The following APBA1 variants were observed in gnomAD, a reference collection of about 807,000 sequenced individuals.
The protein encoded by APBA1 is amyloid beta precursor protein binding family A member 1.
A neutral mutation model predicts 86.6 loss-of-function variants in APBA1; 55 were observed. The observed-to-expected ratio is 0.64, with a 90% CI of 0.51 to 0.80. The LOEUF (loss-of-function observed/expected upper bound fraction) is 0.80, where lower values mean the gene tolerates loss of function less well. Among genes scored for constraint, APBA1 ranks in the 30% least tolerant of loss-of-function variants. APBA1 has a pLI of 0.00. For synonymous variants in APBA1, 511 were observed against 493.9 expected (o/e 1.03, Z -0.46); for missense variants, 1,090 against 1,183.0 (o/e 0.92, Z 1.15).
At chr9:69,504,457 T>C (rs751383809) in intron 2 of APBA1, among the ~76,000 whole-genome samples, 60 of 152,242 alleles carry the variant, frequency 3.9e-4, no homozygotes, top group Middle Eastern at 3.4e-3. Context: ...AAATGTCTGA[T>C]GATCCTTGGC....
intron 10 of APBA1, among the ~76,000 whole-genome samples, chr9:69,448,344 T>A (rs1029776833): frequency 2.6e-5 from 4 of 152,254 alleles, no homozygotes; most frequent in African/African-American, 4.8e-5. Flanking sequence ...AGAGGCCCAA[T>A]TAAACCTTTC....
intron 11 of APBA1, among the ~76,000 whole-genome samples, chr9:69,439,420 A>C (rs1349443741): frequency 6.6e-6 from 1 of 152,076 alleles, no homozygotes; most frequent in Non-Finnish European, 1.5e-5. Flanking sequence ...TACACCAATC[A>C]GACGTAGATT....
At chr9:69,471,513 A>G in intron 4 of APBA1, 143 bp downstream of exon 4, 1 of 716,140 alleles carries the variant, frequency 1.4e-6, no homozygotes. Flanking sequence ...TGAGTCTAAG[A>G]TCCTAAGACT....
chr9:69,516,254 C>T lies in APBA1; in HGVS notation c.957G>A (p.Pro319=). The change falls in exon 2 of 13, where the codon CCG becomes CCA. Residue 319 remains proline, a synonymous_variant. Transcript: ENST00000265381. This position sits in a 1 kb window ranked among gnomAD's most constrained non-coding sequence, Gnocchi z 7.3. The part of the protein sequence containing the change: ...GRPDSPGLQA[P]AGQQRAVGPA... ...GGCCCACCGCCCGCTGCTGCCCCGC[C>T]GGCGCCTGCAGCCCGGGGCTGTCGG... The T allele has an allele frequency of 1.4e-6, 2 of 1,380,928 alleles. No homozygotes were observed. Among genetic ancestry groups the T allele is most frequent in the Non-Finnish European group, 1.9e-6 (2 of 1,072,136 alleles). The allele number at this position is 1,380,928 out of a possible 1,614,324, so 85.5% of individuals were successfully genotyped here.
At chr9:69,545,884 T>C (rs1170144836) in intron 1 of APBA1, among the ~76,000 whole-genome samples, 1 of 152,246 alleles carries the variant, frequency 6.6e-6, no homozygotes, top group Non-Finnish European at 1.5e-5. Context: ...CTTCAGTATA[T>C]ATGCTTGTAA....
chr9:69,475,161 CCTTT>C (rs1308156707), intron 3 of APBA1, among the ~76,000 whole-genome samples: 2 of 152,182 alleles, frequency 1.3e-5, no homozygotes, highest in African/African-American at 4.8e-5. Context: ...CTGGGGCTGC[CCTTT>C]CTCAGACCCA....
At chr9:69,520,646 G>A (rs1430753910) in intron 1 of APBA1, among the ~76,000 whole-genome samples, 1 of 152,148 alleles carries the variant, frequency 6.6e-6, no homozygotes, top group Non-Finnish European at 1.5e-5. Context: ...AGCCACAGCT[G>A]AAGAAATCAC....
At chr9:69,549,257 T>C (rs889120808) in intron 1 of APBA1, among the ~76,000 whole-genome samples, 1 of 152,176 alleles carries the variant, frequency 6.6e-6, no homozygotes, top group Non-Finnish European at 1.5e-5. Flanking sequence ...GTGGGCTGGC[T>C]GTCAGTCACC....
chr9:69,600,077 T>C (rs932010998), intron 1 of APBA1, among the ~76,000 whole-genome samples: 29 of 152,176 alleles, frequency 1.9e-4, no homozygotes, highest in Admixed American at 1.4e-3. Context: ...TACTCCCTTC[T>C]TTCTAATCTG....
chr9:69,500,498 C>A (rs1338585868), intron 2 of APBA1, among the ~76,000 whole-genome samples: 1 of 152,060 alleles, frequency 6.6e-6, no homozygotes, highest in East Asian at 1.9e-4. Context: ...CGACTGTGAG[C>A]CAAATATTTA....
At chr9:69,559,243 TG>T (rs967207539) in intron 1 of APBA1, among the ~76,000 whole-genome samples, 3 of 152,124 alleles carry the variant, frequency 2.0e-5, no homozygotes, top group African/African-American at 7.2e-5. Context: ...ATATTCTTTC[TG>T]GGGGGTAGGT....
At chr9:69,540,717 G>C (rs145293075) in intron 1 of APBA1, among the ~76,000 whole-genome samples, 137 of 152,216 alleles carry the variant, frequency 9.0e-4, no homozygotes, top group African/African-American at 2.7e-3. Context: ...TCCCACTTCA[G>C]CCTTCCAAGT....
intron 1 of APBA1, among the ~76,000 whole-genome samples, chr9:69,552,907 CTTTTTT>C: frequency 7.4e-6 from 1 of 135,538 alleles, no homozygotes; most frequent in East Asian, 2.2e-4. Flanking sequence ...CTTTCTTGGG[CTTTTTT>C]TTTTTTTTTT....
intron 10 of APBA1, among the ~76,000 whole-genome samples, chr9:69,443,969 G>T (rs1193945653): frequency 6.6e-6 from 1 of 152,050 alleles, no homozygotes; most frequent in African/African-American, 2.4e-5. Flanking sequence ...GAGTTTTTCG[G>T]GGTTCCTGGT....
chr9:69,482,673 C>T (rs1451415389), intron 2 of APBA1, among the ~76,000 whole-genome samples: 4 of 151,604 alleles, frequency 2.6e-5, no homozygotes, highest in Admixed American at 6.6e-5. Flanking sequence ...CACATGCACA[C>T]GTATGTTTAT....
At chr9:69,639,450 A>G (rs960542462) in intron 1 of APBA1, among the ~76,000 whole-genome samples, 1 of 152,186 alleles carries the variant, frequency 6.6e-6, no homozygotes, top group Non-Finnish European at 1.5e-5. Flanking sequence ...AAAGTAGAAA[A>G]TATAAAGGAT....
intron 8 of APBA1, among the ~76,000 whole-genome samples, chr9:69,455,584 G>C (rs1461924349): frequency 6.6e-6 from 1 of 152,176 alleles, no homozygotes; most frequent in African/African-American, 2.4e-5. Context: ...CTTTGTGCCA[G>C]GAAAAGGAGC....
At position 69,652,084 on chromosome 9, in the gene APBA1, C is replaced by T. The variant is rs11139602; in HGVS notation, c.-70+20069G>A. On this transcript the variant is annotated intron_variant, in intron 1 of 12. Transcript: ENST00000265381. The stretch of plus-strand genomic sequence containing the variant: ...CGTGAGGACACAGCAAGAGGGCAGC[C>T]ACCTGCCAGCCAAAGAGAAAGGCTT... Among the ~76,000 whole-genome samples the T allele has an allele frequency of 5.3e-3, 812 of 152,332 alleles. 6 individuals are homozygous for T. The highest frequency in any genetic ancestry group is 0.017 in the African/African-American group (713 of 41,574).
At chr9:69,550,589 A>G (rs1169168551) in intron 1 of APBA1, among the ~76,000 whole-genome samples, 1 of 152,236 alleles carries the variant, frequency 6.6e-6, no homozygotes, top group Non-Finnish European at 1.5e-5. Flanking sequence ...CTTCTATTAT[A>G]TGGCATTGTG....
Sources: allele counts gnomAD v4.1 joint callset (sites outside exome capture counted in the v4.1 genomes callset), GRCh38; gene constraint gnomAD v4.1.1; non-coding constraint Gnocchi (gnomAD v3.1); transcripts MANE v1.5; gene names NCBI Gene and HGNC (gene_info 2026-07-23, HGNC 2026-07-21).